The following TBC1D16 variants were observed in gnomAD, a reference collection of about 807,000 sequenced individuals.
TBC1D16 encodes the protein TBC1 domain family member 16.
Under a neutral mutation model 74.7 loss-of-function variants are expected in TBC1D16, and 58 were observed. That is an observed-to-expected ratio of 0.78 (90% CI 0.63 to 0.97). The LOEUF is 0.97. Ranked by LOEUF, TBC1D16 falls within the 50% of genes least tolerant of loss-of-function variation. The probability of loss-of-function intolerance (pLI) is 0.00; values close to 1 mark genes in which losing one functional copy is unlikely to be tolerated. For missense variants in TBC1D16, 1,014 were observed against 1,079.5 expected, an observed-to-expected ratio of 0.94 and a Z score of 0.85; for synonymous variants, 493 against 474.7, an observed-to-expected ratio of 1.04 and a Z score of -0.50.
intron 3 of TBC1D16, among the ~76,000 whole-genome samples, chr17:79,955,848 T>C (rs965755394): frequency 2.0e-5 from 3 of 152,202 alleles, no homozygotes; most frequent in Non-Finnish European, 2.9e-5. Flanking sequence ...AACTATGCCA[T>C]GTCAGATACA....
At chr17:80,027,087 T>C (rs903034110) in intron 1 of TBC1D16, among the ~76,000 whole-genome samples, 2 of 152,062 alleles carry the variant, frequency 1.3e-5, no homozygotes, top group Admixed American at 6.5e-5. Context: ...AAAATCAAAA[T>C]AGCAATGCAA....
chr17:79,982,103 A>T (rs1186584941), intron 3 of TBC1D16, among the ~76,000 whole-genome samples: 1 of 151,354 alleles, frequency 6.6e-6, no homozygotes, highest in Non-Finnish European at 1.5e-5. Flanking sequence ...TTATAGACAA[A>T]GACTTGGGTT....
chr17:79,971,185 G>A lies in TBC1D16; in HGVS notation c.780-18367C>T, dbSNP rs2034087453. On this transcript the variant is annotated intron_variant, in intron 3 of 11. Transcript: ENST00000310924. This position sits in a 1 kb window ranked among gnomAD's most constrained non-coding sequence, Gnocchi z 4.6. ...TTACAGGCGTGCACCACCAAGCCCGGCTAATTTGTGTATTTTTAGTAGAGA... is the reference window on the plus strand; with the variant it reads ...TTACAGGCGTGCACCACCAAGCCCGACTAATTTGTGTATTTTTAGTAGAGA... Among the ~76,000 whole-genome samples, 2 of 151,998 alleles carry A rather than the reference G, an allele frequency of 1.3e-5. 1 individual carries two copies. Among genetic ancestry groups the A allele is most frequent in the African/African-American group, 4.8e-5 (2 of 41,350 alleles).
At chr17:79,953,004 TACTTCCACTTG>T in intron 3 of TBC1D16, 186 bp from the exon 4 acceptor site, 1 of 519,122 alleles carries the variant, frequency 1.9e-6, no homozygotes, top group Non-Finnish European at 3.2e-6. Flanking sequence ...TGCACAGTTC[TACTTCCACTTG>T]GATGGGAAAG....
At chr17:79,957,257 C>A (rs1411026654) in intron 3 of TBC1D16, among the ~76,000 whole-genome samples, 1 of 152,028 alleles carries the variant, frequency 6.6e-6, no homozygotes, top group Non-Finnish European at 1.5e-5. Flanking sequence ...CCCATAATTG[C>A]CAAAACCTGG....
At chr17:80,016,230 G>C (rs2036085090) in intron 1 of TBC1D16, among the ~76,000 whole-genome samples, 1 of 151,792 alleles carries the variant, frequency 6.6e-6, no homozygotes, top group Non-Finnish European at 1.5e-5. Flanking sequence ...CACAGAGACA[G>C]GAAGTGGAAT....
At position 79,944,063 on chromosome 17, in the gene TBC1D16, C is replaced by T. The variant is rs878924585; in HGVS notation, c.1908+845G>A. 12 of 1,535,852 alleles carry T rather than the reference C, an allele frequency of 7.8e-6. No individual in the cohort carries two copies. Among genetic ancestry groups the T allele is most frequent in the African/African-American group, 6.8e-5 (5 of 73,036 alleles). ...CGCATGCAAAGGCGGCGTGTGGTAC[C>T]GGCACTCGGTGGCTTCAGACTCGCT... On this transcript the variant is annotated intron_variant, in intron 10 of 11. Coordinates refer to ENST00000310924, the MANE Select transcript of TBC1D16 (RefSeq NM_019020.4). The surrounding 1 kb of genome is among the most constrained non-coding windows in gnomAD (Gnocchi z 7.7).
chr17:79,947,558 G>A lies in TBC1D16; in HGVS notation c.1728+87C>T, dbSNP rs901708896. 17 of 1,454,960 alleles carry A rather than the reference G, an allele frequency of 1.2e-5. 1 individual carries two copies. Among genetic ancestry groups the A allele is most frequent in the Middle Eastern group, 1.8e-4 (1 of 5,520 alleles). 90.1% of individuals were successfully genotyped at this position (1,454,960 alleles called of 1,614,324 possible). A position where few individuals can be genotyped will look rare whatever the true frequency, so the allele number is the denominator to read the frequency against. ...CACTGACCTACAGCAGCCAAGCCAC[G>A]CATCACCACGGCAACCCCGGCTACA... On this transcript the variant is annotated intron_variant, in intron 9 of 11. Transcript: ENST00000310924.
At chr17:80,033,696 C>T (rs1299532652) in intron 1 of TBC1D16, among the ~76,000 whole-genome samples, 2 of 152,178 alleles carry the variant, frequency 1.3e-5, no homozygotes, top group African/African-American at 2.4e-5. Context: ...CATCTTTCTA[C>T]GCCATGTTCT....
chr17:79,972,374 A>G (rs968838927), intron 3 of TBC1D16, among the ~76,000 whole-genome samples: 1 of 152,014 alleles, frequency 6.6e-6, no homozygotes, highest in Non-Finnish European at 1.5e-5. Context: ...ACAGGGTTTC[A>G]CCATGTTGGC....
chr17:80,016,010 CAAA>C (rs60327293), intron 1 of TBC1D16, among the ~76,000 whole-genome samples: 210 of 89,642 alleles, frequency 2.3e-3, no homozygotes, highest in African/African-American at 7.5e-3. Flanking sequence ...GACTCCATCT[CAAA>C]AAAAAAAAAA....
chr17:80,006,182 C>T (rs996987654), intron 3 of TBC1D16, among the ~76,000 whole-genome samples: 12 of 152,060 alleles, frequency 7.9e-5, no homozygotes, highest in African/African-American at 2.2e-4. Flanking sequence ...GCACCAGGAG[C>T]GCTCTCGCTC....
chr17:79,959,615 G>T (rs928630664), intron 3 of TBC1D16, among the ~76,000 whole-genome samples: 3 of 152,148 alleles, frequency 2.0e-5, no homozygotes, highest in Non-Finnish European at 4.4e-5. Flanking sequence ...ATTCAGTGGA[G>T]AAAGGATGGC....
Position 79,960,779 on chromosome 17 carries a change from C to CAAAAAAAAAAAAAAAAAAAAAAAA in TBC1D16, c.780-7985_780-7962dup, listed in dbSNP as rs746450905. 1.9e-3 allele frequency among the ~76,000 whole-genome samples: 65 copies of CAAAAAAAAAAAAAAAAAAAAAAAA among 33,946 alleles called. 15 individuals carry two copies. The highest frequency in any genetic ancestry group is 3.0e-3 in the Non-Finnish European group (55 of 18,146). 22.3% of individuals were successfully genotyped at this position (33,946 alleles called of 152,430 possible). On this transcript the variant is annotated intron_variant, in intron 3 of 11. Coordinates refer to ENST00000310924, the MANE Select transcript of TBC1D16 (RefSeq NM_019020.4). ...CAAAAAAACCCAAAAAACAAAAACC[C>CAAAAAAAAAAAAAAAAAAAAAAAA]AAAAAAAAAAAAAAAAAAAAAAAAA...
At chr17:79,967,616 G>A (rs970512441) in intron 3 of TBC1D16, among the ~76,000 whole-genome samples, 1 of 152,130 alleles carries the variant, frequency 6.6e-6, no homozygotes, top group Non-Finnish European at 1.5e-5. Context: ...TAATCAGAAA[G>A]GCATCCCACG....
At chr17:80,022,520 G>A (rs1205453107) in intron 1 of TBC1D16, among the ~76,000 whole-genome samples, 3 of 148,792 alleles carry the variant, frequency 2.0e-5, no homozygotes, top group Non-Finnish European at 4.4e-5. Context: ...TATTTTTTTA[G>A]TAGACACCAG....
rs1458798992 is a variant in TBC1D16, at chr17:80,000,949, G to A, written c.779+9211C>T. Among the ~76,000 whole-genome samples the A allele has an allele frequency of 6.6e-6, 1 of 152,216 alleles. No homozygotes were observed. Among genetic ancestry groups the A allele is most frequent in the Non-Finnish European group, 1.5e-5 (1 of 68,032 alleles). On this transcript the variant is annotated intron_variant, in intron 3 of 11. Coordinates refer to ENST00000310924, the MANE Select transcript of TBC1D16 (RefSeq NM_019020.4). The surrounding 1 kb of genome is among the most constrained non-coding windows in gnomAD (Gnocchi z 4.1). The stretch of plus-strand genomic sequence containing the variant: ...TGAGCCAAACAGCCATGCCACAGTT[G>A]CACACCAGAGGGCTGGGCACGGTGG...
intron 3 of TBC1D16, among the ~76,000 whole-genome samples, chr17:79,968,842 C>CAAAAAA (rs34365366): frequency 1.1e-4 from 6 of 55,388 alleles, no homozygotes; most frequent in Non-Finnish European, 1.5e-4. Context: ...GATGCCGTCT[C>CAAAAAA]AAAAAAAAAA....
intron 1 of TBC1D16, among the ~76,000 whole-genome samples, chr17:80,021,463 A>T (rs1350922622): frequency 6.7e-6 from 1 of 149,690 alleles, no homozygotes; most frequent in African/African-American, 2.6e-5. Flanking sequence ...TATTTATTAG[A>T]CATTTGTGTT....
Sources: gnomAD v4.1 joint callset for allele counts (sites outside exome capture counted in the v4.1 genomes callset) on GRCh38, gnomAD v4.1.1 for gene constraint, Gnocchi (gnomAD v3.1) non-coding constraint, MANE v1.5 for transcripts, NCBI Gene and HGNC (gene_info 2026-07-23, HGNC 2026-07-21) for gene names.